Variants in SH2D4B observed in about 807,000 individuals in gnomAD.
SH2D4B encodes SH2 domain-containing protein 4B.
Under a neutral mutation model 61.5 loss-of-function variants are expected in SH2D4B, and 45 were observed. The ratio of observed to expected loss-of-function variants is 0.73; its 90% CI spans 0.58 to 0.94. The LOEUF (loss-of-function observed/expected upper bound fraction) is 0.94. SH2D4B is among the 40% of genes least tolerant of loss of function. The pLI, the probability that SH2D4B is intolerant of heterozygous loss-of-function variation, is 0.00. For synonymous variants in SH2D4B, 224 were observed against 220.4 expected (o/e 1.02, Z -0.14); for missense variants, 572 against 574.2 (o/e 1.00, Z 0.04).
At chr10:80,570,698 G>T (rs1265094426) in intron 2 of SH2D4B, among the ~76,000 whole-genome samples, 1 of 152,120 alleles carries the variant, frequency 6.6e-6, no homozygotes, top group African/African-American at 2.4e-5. Flanking sequence ...GATCCAAAAT[G>T]CTACTTAAGA....
intron 1 of SH2D4B, among the ~76,000 whole-genome samples, chr10:80,557,082 G>A (rs1841847799): frequency 2.0e-5 from 3 of 152,132 alleles, no homozygotes; most frequent in East Asian, 1.9e-4. Context: ...TTTCTAGTTT[G>A]CTGAGAATCT....
At chr10:80,578,427 G>C (rs1025217796) in intron 3 of SH2D4B, among the ~76,000 whole-genome samples, 1 of 152,052 alleles carries the variant, frequency 6.6e-6, no homozygotes, top group African/African-American at 2.4e-5. Flanking sequence ...CCAGGGGAGA[G>C]AGAGACAACT....
intron 4 of SH2D4B, among the ~76,000 whole-genome samples, chr10:80,598,487 T>C (rs1442209907): frequency 1.3e-5 from 2 of 152,194 alleles, no homozygotes; most frequent in Admixed American, 1.3e-4. Context: ...TTAGCCTTTC[T>C]TAAAGAATGA....
At chr10:80,631,660 G>A (rs1842835760) in intron 6 of SH2D4B, among the ~76,000 whole-genome samples, 1 of 152,184 alleles carries the variant, frequency 6.6e-6, no homozygotes, top group Admixed American at 6.5e-5. Context: ...GTGACAACAT[G>A]GATGAACCTA....
intron 1 of SH2D4B, among the ~76,000 whole-genome samples, chr10:80,545,297 G>A (rs1405302952): frequency 1.3e-5 from 2 of 151,968 alleles, no homozygotes; most frequent in Non-Finnish European, 2.9e-5. Context: ...TCTGCTTTCT[G>A]TCTCCGCGAA....
chr10:80,546,143 C>G (rs1214146977), intron 1 of SH2D4B, among the ~76,000 whole-genome samples: 1 of 150,798 alleles, frequency 6.6e-6, no homozygotes, highest in African/African-American at 2.4e-5. Flanking sequence ...CTCCCAGGTT[C>G]AAGTGATCCT....
intron 4 of SH2D4B, among the ~76,000 whole-genome samples, chr10:80,601,474 C>A (rs1262409509): frequency 1.3e-5 from 2 of 152,230 alleles, no homozygotes; most frequent in African/African-American, 4.8e-5. Context: ...GGGCCTAGTG[C>A]AGCACTAAAT....
rs937981010 is a variant in SH2D4B at position 80,609,614 on chromosome 10, T to C, written c.988+63T>C. On this transcript the variant is annotated intron_variant, in intron 6 of 7. Transcript: ENST00000646907. ...CCACATCTTTGCCTCTCTCTGGGGT[T>C]GGGGAGGGGTGCTGAAGGACAGTTA... 11 of 1,609,378 alleles carry C rather than the reference T, an allele frequency of 6.8e-6. No homozygotes were observed. The African/African-American group carries it at 1.5e-4, about 22-fold the overall frequency.
At chr10:80,608,670 C>A (rs1315025353) in intron 5 of SH2D4B, among the ~76,000 whole-genome samples, 1 of 152,136 alleles carries the variant, frequency 6.6e-6, no homozygotes, top group Admixed American at 6.5e-5. Flanking sequence ...CTAAACTCTT[C>A]CCGTGCTCCT....
intron 4 of SH2D4B, among the ~76,000 whole-genome samples, chr10:80,599,532 A>G (rs541398866): frequency 6.6e-6 from 1 of 152,138 alleles, no homozygotes; most frequent in Admixed American, 6.5e-5. Flanking sequence ...TCATTACAAC[A>G]TTCACATGGG....
At chr10:80,607,684 G>A (rs1157031430) in intron 5 of SH2D4B, among the ~76,000 whole-genome samples, 1 of 152,224 alleles carries the variant, frequency 6.6e-6, no homozygotes, top group Non-Finnish European at 1.5e-5. Flanking sequence ...CAGTGTCAAA[G>A]TGAGGGTACA....
chr10:80,581,324 G>A (rs1842182446), intron 3 of SH2D4B, among the ~76,000 whole-genome samples: 1 of 152,204 alleles, frequency 6.6e-6, no homozygotes, highest in African/African-American at 2.4e-5. Flanking sequence ...AGGCCAGTCA[G>A]ACACTTATCC....
At chr10:80,621,251 A>C (rs1842715289) in intron 6 of SH2D4B, among the ~76,000 whole-genome samples, 2 of 152,236 alleles carry the variant, frequency 1.3e-5, no homozygotes, top group South Asian at 4.1e-4. Flanking sequence ...GCTGCTAAAC[A>C]TCCTGCAGTG....
chr10:80,568,475 C>A (rs936553412), intron 1 of SH2D4B, among the ~76,000 whole-genome samples: 2 of 152,136 alleles, frequency 1.3e-5, no homozygotes, highest in African/African-American at 4.8e-5. Context: ...GGGCCTTGGG[C>A]AAACGCAAGG....
rs2132171278 is a variant in SH2D4B, at chr10:80,645,662, A to T, written c.*1577A>T. On this transcript the variant is annotated 3_prime_UTR_variant, in exon 8 of 8. Coordinates refer to ENST00000646907, the MANE Select transcript of SH2D4B (RefSeq NM_001388272.1). ...TGACACCCTGCTGCCCCCGTTTTTA[A>T]TTCTTCTCTGCCTTGCCCTGCTCTC... is the stretch of plus-strand genomic sequence containing the variant. 1 of 152,326 alleles carries T rather than the reference A, an allele frequency of 6.6e-6. No individual in the cohort carries two copies. Among genetic ancestry groups the T allele is most frequent in the South Asian group, 2.1e-4 (1 of 4,826 alleles). 9.4% of individuals were successfully genotyped at this position (152,326 alleles called of 1,614,324 possible).
Position 80,629,824 on chromosome 10 carries a change from G to A in SH2D4B, c.989-4461G>A, listed in dbSNP as rs146057578. Among the ~76,000 whole-genome samples, 17 of 152,250 alleles carry A rather than the reference G, an allele frequency of 1.1e-4. No homozygotes were observed. The East Asian group carries it at 2.7e-3, about 24-fold the overall frequency. On this transcript the variant is annotated intron_variant, in intron 6 of 7. Coordinates refer to ENST00000646907, the MANE Select transcript of SH2D4B (RefSeq NM_001388272.1). ...CTTAATAGATGAGGACCTCAAACTC[G>A]GTTTCAGAGAGGTTGAAGTCACCTG...
At position 80,583,418 on chromosome 10, in the gene SH2D4B, C is replaced by T. The variant is rs113646510; in HGVS notation, c.496-5212C>T. Among the ~76,000 whole-genome samples the T allele has an allele frequency of 4.4e-4, 67 of 151,696 alleles. 1 individual carries two copies. The South Asian group carries it at 0.013, about 30-fold the overall frequency. On this transcript the variant is annotated intron_variant, in intron 3 of 7. Transcript: ENST00000646907. ...GCGCGGTGGCTCACACCTGTAATCC[C>T]AGCACTTTAGGAGGCTGAGGCGGGC...
intron 1 of SH2D4B, among the ~76,000 whole-genome samples, chr10:80,541,408 C>A (rs1399670618): frequency 6.6e-6 from 1 of 152,166 alleles, no homozygotes; most frequent in African/African-American, 2.4e-5. Flanking sequence ...GACAGGCATC[C>A]TCTTTCCTGG....
chr10:80,592,562 G>T (rs1842341512), intron 4 of SH2D4B, among the ~76,000 whole-genome samples: 1 of 152,134 alleles, frequency 6.6e-6, no homozygotes, highest in Non-Finnish European at 1.5e-5. Flanking sequence ...GTGAGGTAGG[G>T]TTCCTACTTA....
Sources: allele counts gnomAD v4.1 joint callset (sites outside exome capture counted in the v4.1 genomes callset), GRCh38; gene constraint gnomAD v4.1.1; transcripts MANE v1.5; gene names NCBI Gene and HGNC (gene_info 2026-07-23, HGNC 2026-07-21).